The following COL6A5 variants were observed in gnomAD, a reference collection of about 807,000 sequenced individuals.
COL6A5 encodes the protein collagen alpha-5(VI) chain.
A neutral mutation model predicts 65.6 loss-of-function variants in COL6A5; 48 were observed. The observed-to-expected ratio is 0.73, with a 90% CI of 0.58 to 0.93. The LOEUF is 0.93. Among genes scored for constraint, COL6A5 ranks in the 40% least tolerant of loss-of-function variants. The probability of loss-of-function intolerance (pLI) is 0.00; values close to 1 mark genes in which losing one functional copy is unlikely to be tolerated. For synonymous variants in COL6A5, 291 were observed against 322.8 expected (o/e 0.90, Z 1.05); for missense variants, 914 against 928.3 (o/e 0.98, Z 0.20).
intron 1 of COL6A5, among the ~76,000 whole-genome samples, chr3:130,368,782 C>G (rs1935441027): frequency 6.6e-6 from 1 of 152,094 alleles, no homozygotes; most frequent in South Asian, 2.1e-4. Context: ...ATGGCACCCA[C>G]AGGATGGACA....
chr3:130,379,804 G>A, exon 4 of COL6A5: 2 of 1,551,404 alleles, frequency 1.3e-6, no homozygotes, highest in Non-Finnish European at 1.7e-6. Flanking sequence ...ACCATCAGAT[G>A]ATGAGGTGCA....
At chr3:130,426,455 T>C in intron 31 of COL6A5, 52 bp downstream of exon 31, 1 of 1,510,718 alleles carries the variant, frequency 6.6e-7, no homozygotes, top group Non-Finnish European at 9.0e-7. Flanking sequence ...GTGAGGCACT[T>C]AGGACTGTAT....
At chr3:130,428,906 C>T (rs137897151), upstream of COL6A5, among the ~76,000 whole-genome samples, 41 of 152,270 alleles carry the variant, frequency 2.7e-4, no homozygotes, top group East Asian at 6.8e-3. Context: ...TCATTTGCTT[C>T]CTAGGAATCG....
chr3:130,373,919 T>C (rs1935661354), intron 2 of COL6A5, among the ~76,000 whole-genome samples: 1 of 152,206 alleles, frequency 6.6e-6, no homozygotes, highest in Admixed American at 6.5e-5. Context: ...AGAAAAACTT[T>C]AATTATCCAT....
chr3:130,415,996 A>G (rs11916610), intron 23 of COL6A5, among the ~76,000 whole-genome samples: 12,048 of 152,120 alleles, frequency 0.079, 997 homozygotes, highest in East Asian at 0.33. Context: ...TTCTCCAAAA[A>G]CTGATACATT....
Position 130,470,986 on chromosome 3 carries a change from A to T in COL6A5, c.2328+19A>T. 1.9e-6 allele frequency: 3 copies of T among 1,554,664 alleles called. No individual in the cohort carries two copies. Among genetic ancestry groups the T allele is most frequent in the Non-Finnish European group, 2.7e-6 (3 of 1,128,030 alleles). ...CTGTATTGTGAGTTGAGAAATTCCA[A>T]GTTTGGGTAATACCACAACTGGAAA... On this transcript the variant is annotated intron_variant, in intron 7 of 7. Coordinates refer to ENST00000512836, the Ensembl canonical transcript of COL6A5.
At chr3:130,410,393 G>A (rs1325341839) in intron 19 of COL6A5, 78 bp from the exon 20 acceptor site, 3 of 1,013,330 alleles carry the variant, frequency 3.0e-6, no homozygotes, top group African/African-American at 3.2e-5. Context: ...AATAGTGCTT[G>A]AGGTTTTGAT....
intron 7 of COL6A5, among the ~76,000 whole-genome samples, chr3:130,393,934 C>T (rs1348290615): frequency 6.6e-6 from 1 of 152,178 alleles, no homozygotes; most frequent in East Asian, 1.9e-4. Flanking sequence ...CCCATACTCC[C>T]ATAGCTGGGG....
chr3:130,403,780 G>C, intron 13 of COL6A5, 118 bp downstream of exon 13: 1 of 594,998 alleles, frequency 1.7e-6, no homozygotes, highest in Non-Finnish European at 2.7e-6. Context: ...TCATACAAAA[G>C]GGGTAGATGG....
chr3:130,377,984 G>A (rs1185428076), intron 3 of COL6A5, among the ~76,000 whole-genome samples: 1 of 152,128 alleles, frequency 6.6e-6, no homozygotes, highest in East Asian at 1.9e-4. Flanking sequence ...GGTACTGGAG[G>A]AATAGTGATA....
At chr3:130,431,129 T>G (rs1254097801), upstream of COL6A5, among the ~76,000 whole-genome samples, 1 of 152,234 alleles carries the variant, frequency 6.6e-6, no homozygotes, top group African/African-American at 2.4e-5. Context: ...ACCAAATGTG[T>G]AGATTCATGT....
At position 130,375,146 on chromosome 3, in the gene COL6A5, G is replaced by A. The variant is rs73870611; in HGVS notation, c.68-1091G>A. Reference sequence around the variant, plus strand: ...CTTACCAGACTCTTCTTATCTGGCTGATGCACCCACCTCCCAGCTACTGTG... The same window carrying A: ...CTTACCAGACTCTTCTTATCTGGCTAATGCACCCACCTCCCAGCTACTGTG... On this transcript the variant is annotated intron_variant and NMD_transcript_variant, in intron 2 of 41. Coordinates refer to the COL6A5 transcript ENST00000312481. 8.7e-3 allele frequency among the ~76,000 whole-genome samples: 1,328 copies of A among 152,250 alleles called. 22 individuals are homozygous for A. The highest frequency in any genetic ancestry group is 0.03 in the African/African-American group (1,251 of 41,550).
chr3:130,455,200 G>A lies in COL6A5; in HGVS notation c.1333-255G>A, dbSNP rs371713207. On this transcript the variant is annotated intron_variant, in intron 4 of 7. Coordinates refer to ENST00000512836, the Ensembl canonical transcript of COL6A5. ...TAAAACTCTGCACAAATCAAACTTGGTTATTCCAAAGTAGTACTTAATAGG... is the reference window on the plus strand; with the variant it reads ...TAAAACTCTGCACAAATCAAACTTGATTATTCCAAAGTAGTACTTAATAGG... Among the ~76,000 whole-genome samples the A allele has an allele frequency of 4.9e-4, 74 of 151,722 alleles. No individual in the cohort carries two copies. The East Asian group carries it at 0.012, about 25-fold the overall frequency.
chr3:130,472,164 T>G (rs948706458), intron 7 of COL6A5, among the ~76,000 whole-genome samples: 6 of 151,864 alleles, frequency 4.0e-5, no homozygotes, highest in African/African-American at 1.5e-4. Flanking sequence ...AGTCAGGGAA[T>G]GGGGAAGTTG....
intron 6 of COL6A5, 83 bp from the exon 7 acceptor site, chr3:130,391,096 A>G: frequency 2.1e-6 from 2 of 942,674 alleles, no homozygotes; most frequent in Non-Finnish European, 3.2e-6. Context: ...GCTCATGGCA[A>G]ATGCCAGTTC....
chr3:130,417,580 G>C (rs2107680829), intron 24 of COL6A5, among the ~76,000 whole-genome samples: 1 of 152,238 alleles, frequency 6.6e-6, no homozygotes, highest in South Asian at 2.1e-4. Context: ...TGGAGGATGG[G>C]TGGCATCAGA....
At chr3:130,454,777 G>A (rs1709526880) in intron 4 of COL6A5, among the ~76,000 whole-genome samples, 1 of 152,080 alleles carries the variant, frequency 6.6e-6, no homozygotes, top group African/African-American at 2.4e-5. Context: ...CATTTTCCAT[G>A]GTGATTGGTA....
At chr3:130,387,342 A>T (rs1254807144) in intron 5 of COL6A5, among the ~76,000 whole-genome samples, 3 of 152,112 alleles carry the variant, frequency 2.0e-5, no homozygotes, top group Non-Finnish European at 4.4e-5. Flanking sequence ...GGAAAGATAG[A>T]TATTCAGGGA....
chr3:130,460,416 A>G (rs1709676422), intron 5 of COL6A5, among the ~76,000 whole-genome samples: 1 of 152,130 alleles, frequency 6.6e-6, no homozygotes, highest in South Asian at 2.1e-4. Context: ...TTCACATGTG[A>G]ACAAGATGAA....
Sources: allele counts gnomAD v4.1 joint callset (sites outside exome capture counted in the v4.1 genomes callset), GRCh38; gene constraint gnomAD v4.1.1; transcripts MANE v1.5; gene names NCBI Gene and HGNC (gene_info 2026-07-23, HGNC 2026-07-21).